SMO: variants seen among roughly 807,000 people sequenced by gnomAD.
SMO encodes the protein protein smoothened.
Under a neutral mutation model 81.6 loss-of-function variants are expected in SMO, and 40 were observed. The ratio of observed to expected loss-of-function variants is 0.49; its 90% CI spans 0.38 to 0.64. The LOEUF (loss-of-function observed/expected upper bound fraction) is 0.64, where lower values mean the gene tolerates loss of function less well. SMO is among the 30% of genes least tolerant of loss of function. SMO has a pLI of 0.00. For synonymous variants in SMO, 434 were observed against 432.1 expected, an observed-to-expected ratio of 1.00 and a Z score of -0.05; for missense variants, 916 against 1,061.1, an observed-to-expected ratio of 0.86 and a Z score of 1.90.
rs1793772548 is a variant in SMO, at chr7:129,206,727, G to A, written c.1264+140G>A. 4.8e-6 allele frequency: 4 copies of A among 833,728 alleles called. No individual in the cohort carries two copies. The South Asian group carries it at 6.6e-5, about 14-fold the overall frequency. The allele number at this position is 833,728 out of a possible 1,614,324, so 51.6% of individuals were successfully genotyped here. A position where few individuals can be genotyped will look rare whatever the true frequency, so the allele number is the denominator to read the frequency against. On this transcript the variant is annotated intron_variant, in intron 6 of 11. Coordinates refer to ENST00000249373, the MANE Select transcript of SMO (RefSeq NM_005631.5). The surrounding 1 kb of genome is among the most constrained non-coding windows in gnomAD (Gnocchi z 4.4). ...ATAGGGCCTTCACACAGTAGAAGGTGACCCTCTAGGCAGACGAAACACCGT... is the reference window on the plus strand; with the variant it reads ...ATAGGGCCTTCACACAGTAGAAGGTAACCCTCTAGGCAGACGAAACACCGT...
At position 129,213,451 on chromosome 7, in the gene SMO, A is replaced by G. The variant is rs997376564; in HGVS notation, c.*1000A>G. The G allele has an allele frequency of 4.3e-6, 1 of 232,882 alleles. No homozygotes were observed. 14.4% of individuals were successfully genotyped at this position (232,882 alleles called of 1,614,324 possible). A position where few individuals can be genotyped will look rare whatever the true frequency, so the allele number is the denominator to read the frequency against. On this transcript the variant is annotated 3_prime_UTR_variant, in exon 12 of 12. Transcript: ENST00000249373. Reference sequence around the variant, plus strand: ...CCTCCAAACATGTTCCCAAGGCCCCACTTTCAAGAATCAGACAGCAGGAAG... The same window carrying G: ...CCTCCAAACATGTTCCCAAGGCCCCGCTTTCAAGAATCAGACAGCAGGAAG...
rs1437858310 is a variant in SMO, at chr7:129,206,502, C to T, written c.1179C>T (p.Gly393=). 1 of 1,614,104 alleles carries T rather than the reference C, an allele frequency of 6.2e-7. No homozygotes were observed. The highest frequency in any genetic ancestry group is 1.7e-5 in the Admixed American group (1 of 60,014). The change falls in exon 6 of 12, where the codon GGC becomes GGT. Residue 393 remains glycine, a synonymous_variant. Transcript: ENST00000249373. This position sits in a 1 kb window ranked among gnomAD's most constrained non-coding sequence, Gnocchi z 4.4. ...GDSVSGICFV[G]YKNYRYRAGF... is the part of the protein sequence containing the mutation. ...CTGTGAGTGGGATTTGTTTTGTGGGCTACAAGAACTACCGATACCGTGCGG... is the reference window on the plus strand; with the variant it reads ...CTGTGAGTGGGATTTGTTTTGTGGGTTACAAGAACTACCGATACCGTGCGG...
Position 129,210,118 on chromosome 7 carries a change from A to G in SMO, c.1467-245A>G, listed in dbSNP as rs1793844768. Reference sequence around the variant, plus strand: ...GGTTGAGATCAGTGCTGTGGAGCTTAGCCCTTTCTAAAGTTTTTGGATTGA... The same window carrying G: ...GGTTGAGATCAGTGCTGTGGAGCTTGGCCCTTTCTAAAGTTTTTGGATTGA... On this transcript the variant is annotated intron_variant, in intron 8 of 11. Transcript: ENST00000249373. The surrounding 1 kb of genome is among the most constrained non-coding windows in gnomAD (Gnocchi z 4.7). The G allele has an allele frequency of 2.2e-6, 1 of 447,938 alleles. No individual in the cohort carries two copies. Among genetic ancestry groups the G allele is most frequent in the Admixed American group, 3.4e-5 (1 of 29,532 alleles). 27.7% of individuals were successfully genotyped at this position (447,938 alleles called of 1,614,324 possible).
chr7:129,195,118 TCAAGTTTTTGCC>T (rs1257282609), intron 1 of SMO, among the ~76,000 whole-genome samples: 3 of 152,236 alleles, frequency 2.0e-5, no homozygotes, highest in African/African-American at 7.2e-5. Context: ...TATTGTCATC[TCAAGTTTTTGCC>T]CATTGCAAAT....
At chr7:129,199,119 C>A (rs1005058185) in intron 1 of SMO, among the ~76,000 whole-genome samples, 9 of 151,594 alleles carry the variant, frequency 5.9e-5, no homozygotes, top group Non-Finnish European at 1.2e-4. Context: ...ATTTTTATTC[C>A]TACCAACAAA....
chr7:129,202,344 T>C (rs1378000250), intron 1 of SMO, among the ~76,000 whole-genome samples: 1 of 152,182 alleles, frequency 6.6e-6, no homozygotes, highest in Non-Finnish European at 1.5e-5. Flanking sequence ...ACATGCCCCT[T>C]ACCTCTCTAC....
rs2150637543 is a variant in SMO at position 129,189,071 on chromosome 7, G to A, written c.-81G>A. 2 of 1,183,474 alleles carry A rather than the reference G, an allele frequency of 1.7e-6. No individual in the cohort carries two copies. Among genetic ancestry groups the A allele is most frequent in the Non-Finnish European group, 2.1e-6 (2 of 950,868 alleles). 73.3% of individuals were successfully genotyped at this position (1,183,474 alleles called of 1,614,324 possible). A position where few individuals can be genotyped will look rare whatever the true frequency, so the allele number is the denominator to read the frequency against. ...GGTCGCCTGAGCCGCCTCCGCGGCC[G>A]CCGAGGTCGTGCGTGTGGCCGGGGG... On this transcript the variant is annotated 5_prime_UTR_variant, in exon 1 of 12. Coordinates refer to ENST00000249373, the MANE Select transcript of SMO (RefSeq NM_005631.5). This position sits in a 1 kb window ranked among gnomAD's most constrained non-coding sequence, Gnocchi z 4.7.
rs1584666091 is a variant in SMO at position 129,211,645 on chromosome 7, C to A, written c.1811C>A (p.Ala604Asp). Residue 604 changes from alanine (A) to aspartate (D), a missense_variant, in exon 11 of 12, where the codon GCC becomes GAC. Ala to Asp is a moderately radical substitution (Grantham distance 126). Transcript: ENST00000249373. The surrounding 1 kb of genome is among the most constrained non-coding windows in gnomAD (Gnocchi z 4.6). Reference sequence around the variant, plus strand: ...CCTTCCATTCCCACAGCGGGCTTGGCCTTTGACCTCAATGAGCCCTCAGCT... The same window carrying A: ...CCTTCCATTCCCACAGCGGGCTTGGACTTTGACCTCAATGAGCCCTCAGCT... ...VSHDGPVAGL[A>D]FDLNEPSADV... The A allele has an allele frequency of 1.9e-6, 3 of 1,612,948 alleles. No homozygotes were observed. The highest frequency in any genetic ancestry group is 2.5e-6 in the Non-Finnish European group (3 of 1,179,948).
chr7:129,203,573 TC>T lies in SMO; in HGVS notation c.524del (p.Pro175LeufsTer127). 1 of 1,601,378 alleles carries T rather than the reference TC, an allele frequency of 6.2e-7. No individual in the cohort carries two copies. On this transcript the variant is annotated frameshift_variant, in exon 2 of 12. Transcript: ENST00000249373. LOFTEE classifies it high-confidence loss of function. Reference sequence around the variant, plus strand: ...TTCCTGCGCTGCACTCCTGACCGCTTCCCTGAAGGCTGCACGGTGAGTGCTC... The same window carrying T: ...TTCCTGCGCTGCACTCCTGACCGCTTCCTGAAGGCTGCACGGTGAGTGCTC... ...PDFLRCTPDR[F>X]PEGCTNEVQN...
chr7:129,196,909 C>T (rs777207848), intron 1 of SMO, among the ~76,000 whole-genome samples: 203 of 149,294 alleles, frequency 1.4e-3, no homozygotes, highest in Non-Finnish European at 1.9e-3. Context: ...CCCAGCTACT[C>T]AGGAGGCTGA....
At position 129,210,994 on chromosome 7, in the gene SMO, A is replaced by G. The variant is rs1320135367; in HGVS notation, c.1682A>G (p.Lys561Arg). ...RLTGQSDDEP[K>R]RIKKSKMIAK... is the part of the protein sequence containing the mutation. The stretch of plus-strand genomic sequence containing the variant: ...ACTGGGCAGAGTGACGATGAGCCAA[A>G]GCGGATCAAGAAGAGCAAGATGATT... The change falls in exon 10 of 12, where the codon AAG (lysine) becomes AGG (arginine). Residue 561 changes from lysine to arginine, a missense_variant. Physicochemically the swap from Lys to Arg is conservative, Grantham distance 26. Transcript: ENST00000249373. This position sits in a 1 kb window ranked among gnomAD's most constrained non-coding sequence, Gnocchi z 4.7. The G allele has an allele frequency of 3.7e-6, 6 of 1,613,344 alleles. No individual in the cohort carries two copies. Among genetic ancestry groups the G allele is most frequent in the Admixed American group, 3.3e-5 (2 of 59,846 alleles).
Position 129,189,506 on chromosome 7 carries a change from G to C in SMO, c.331+24G>C, listed in dbSNP as rs757056583. On this transcript the variant is annotated intron_variant, in intron 1 of 11. Coordinates refer to ENST00000249373, the MANE Select transcript of SMO (RefSeq NM_005631.5). This position sits in a 1 kb window ranked among gnomAD's most constrained non-coding sequence, Gnocchi z 4.7. ...GGGTAAGTGCGGCGGAGCCGGGTCT[G>C]GGGGGCGGGAGGTGCCGCGGTAAGA... The C allele has an allele frequency of 1.4e-5, 22 of 1,534,158 alleles. No individual in the cohort carries two copies. Among genetic ancestry groups the C allele is most frequent in the Non-Finnish European group, 1.9e-5 (22 of 1,146,240 alleles).
chr7:129,210,292 A>C lies in SMO; in HGVS notation c.1467-71A>C. The C allele has an allele frequency of 7.5e-7, 1 of 1,333,398 alleles. No homozygotes were observed. The highest frequency in any genetic ancestry group is 1.4e-5 in the African/African-American group (1 of 69,466). 82.6% of individuals were successfully genotyped at this position (1,333,398 alleles called of 1,614,324 possible). On this transcript the variant is annotated intron_variant, in intron 8 of 11. Coordinates refer to ENST00000249373, the MANE Select transcript of SMO (RefSeq NM_005631.5). The surrounding 1 kb of genome is among the most constrained non-coding windows in gnomAD (Gnocchi z 4.7). Reference sequence around the variant, plus strand: ...CGCACTCTAGCCTGGGTGACAGAGCAAGATCCTATCTCAAAAAAAGAGAGA... The same window carrying C: ...CGCACTCTAGCCTGGGTGACAGAGCCAGATCCTATCTCAAAAAAAGAGAGA...
rs1043759722 is a variant in SMO at position 129,210,304 on chromosome 7, CA to C, written c.1467-52del. The C allele has an allele frequency of 2.1e-6, 3 of 1,449,558 alleles. No individual in the cohort carries two copies. The highest frequency in any genetic ancestry group is 1.9e-6 in the Non-Finnish European group (2 of 1,034,618). The allele number at this position is 1,449,558 out of a possible 1,614,324, so 89.8% of individuals were successfully genotyped here. The stretch of plus-strand genomic sequence containing the variant: ...TGGGTGACAGAGCAAGATCCTATCT[CA>C]AAAAAAGAGAGAGGAAAAGAAAGGA... On this transcript the variant is annotated intron_variant, in intron 8 of 11. Transcript: ENST00000249373. The surrounding 1 kb of genome is among the most constrained non-coding windows in gnomAD (Gnocchi z 4.7).
chr7:129,208,882 G>A lies in SMO; in HGVS notation c.1357+31G>A, dbSNP rs758121016. ...TGGCCCCGGGGGACTTCGGTCTGAG[G>A]TCCTGGCCAGCCCAACACTGCACCC... On this transcript the variant is annotated intron_variant, in intron 7 of 11. Coordinates refer to ENST00000249373, the MANE Select transcript of SMO (RefSeq NM_005631.5). The surrounding 1 kb of genome is among the most constrained non-coding windows in gnomAD (Gnocchi z 5.2). 1 of 1,497,734 alleles carries A rather than the reference G, an allele frequency of 6.7e-7. No homozygotes were observed. Among genetic ancestry groups the A allele is most frequent in the Admixed American group, 1.7e-5 (1 of 59,186 alleles). The allele number at this position is 1,497,734 out of a possible 1,614,324, so 92.8% of individuals were successfully genotyped here.
At chr7:129,198,647 TTAGATA>T (rs1793619719) in intron 1 of SMO, among the ~76,000 whole-genome samples, 1 of 152,250 alleles carries the variant, frequency 6.6e-6, no homozygotes, top group South Asian at 2.1e-4. Context: ...CTTTCAATGT[TTAGATA>T]TGTTTAGATA....
At chr7:129,203,188 G>A (rs995543889) in intron 1 of SMO, among the ~76,000 whole-genome samples, 196 bp from the exon 2 acceptor site, 19 of 152,226 alleles carry the variant, frequency 1.2e-4, no homozygotes, top group Non-Finnish European at 2.5e-4. Flanking sequence ...GCAGAGTCTA[G>A]TGTCTGCAAT....
At chr7:129,195,240 C>T (rs562671648) in intron 1 of SMO, among the ~76,000 whole-genome samples, 9 of 152,314 alleles carry the variant, frequency 5.9e-5, no homozygotes, top group East Asian at 1.9e-4. Context: ...TAATAAGGCA[C>T]GCATACTTTA....
chr7:129,209,172 G>A, intron 7 of SMO, 117 bp from the exon 8 acceptor site: 1 of 669,990 alleles, frequency 1.5e-6, no homozygotes, highest in Non-Finnish European at 2.7e-6. Flanking sequence ...CCCAGCATGA[G>A]TTCACCCCAG....
Sources: allele counts gnomAD v4.1 joint callset (sites outside exome capture counted in the v4.1 genomes callset), GRCh38; gene constraint gnomAD v4.1.1; non-coding constraint Gnocchi (gnomAD v3.1); transcripts MANE v1.5; gene names NCBI Gene and HGNC (gene_info 2026-07-23, HGNC 2026-07-21).